RPS6KC1: variants seen among roughly 807,000 people sequenced by gnomAD.
The protein encoded by RPS6KC1 is inactive ribosomal protein S6 kinase delta-1.
In RPS6KC1, 54 loss-of-function variants were observed where a neutral mutation model predicts 103.8. That is an observed-to-expected ratio of 0.52 (90% confidence interval 0.42 to 0.65). The LOEUF is 0.65. RPS6KC1 is among the 30% of genes least tolerant of loss of function. The pLI is 0.00. For synonymous variants in RPS6KC1, 439 were observed against 438.7 expected (o/e 1.00, Z -0.01); for missense variants, 1,151 against 1,253.8 (o/e 0.92, Z 1.24).
rs755598192 is a variant in RPS6KC1 at position 213,129,721 on chromosome 1, C to T, written c.667C>T (p.Arg223Cys). The change falls in exon 6 of 15, where the codon CGT becomes TGT. Residue 223 changes from arginine (R) to cysteine (C), a missense_variant. Arg to Cys is a radical substitution (Grantham distance 180). Coordinates refer to ENST00000366960, the MANE Select transcript of RPS6KC1 (RefSeq NM_012424.6). Reference sequence around the variant, plus strand: ...CAAAACAGAAGAAGAACGGGAAAGTCGTAGCCTCTTTCCTGGCAGTTTAAA... The same window carrying T: ...CAAAACAGAAGAAGAACGGGAAAGTTGTAGCCTCTTTCCTGGCAGTTTAAA... Reference protein sequence around the residue: ...QSKTEEERESRSLFPGSLKPK... With the variant: ...QSKTEEERESCSLFPGSLKPK... 1.2e-4 allele frequency: 198 copies of T among 1,613,924 alleles called. No individual in the cohort carries two copies. Among genetic ancestry groups the T allele is most frequent in the Non-Finnish European group, 1.6e-4 (193 of 1,179,980 alleles).
At chr1:213,515,169 T>C in the RPS6KC1 span, among the ~76,000 whole-genome samples, 1 of 150,706 alleles carries the variant, frequency 6.6e-6, no homozygotes, top group Non-Finnish European at 1.5e-5. Flanking sequence ...TTTTCTCCCA[T>C]TCTGTAGGTT....
At chr1:213,732,360 CGT>C in the RPS6KC1 span, among the ~76,000 whole-genome samples, 492 of 150,864 alleles carry the variant, frequency 3.3e-3, 3 homozygotes, top group African/African-American at 0.011. Flanking sequence ...TGTGCGTGTG[CGT>C]GTGTGTGTGT....
intron 8 of RPS6KC1, among the ~76,000 whole-genome samples, chr1:213,209,816 A>G (rs1267493969): frequency 6.6e-6 from 1 of 152,100 alleles, no homozygotes; most frequent in East Asian, 1.9e-4. Flanking sequence ...GAAACTGAAC[A>G]AGGGGTAGGC....
chr1:213,654,263 A>G, the RPS6KC1 span, among the ~76,000 whole-genome samples: 2 of 152,330 alleles, frequency 1.3e-5, no homozygotes, highest in Admixed American at 1.3e-4. Flanking sequence ...TTTGATCATT[A>G]TGTGAAAATC....
At chr1:213,237,626 C>T (rs796921708) in intron 10 of RPS6KC1, among the ~76,000 whole-genome samples, 8 of 151,378 alleles carry the variant, frequency 5.3e-5, no homozygotes, top group African/African-American at 1.2e-4. Flanking sequence ...AGTGTTTTAT[C>T]GTACATATGA....
chr1:213,703,628 A>C, the RPS6KC1 span, among the ~76,000 whole-genome samples: 1 of 151,954 alleles, frequency 6.6e-6, no homozygotes, highest in Non-Finnish European at 1.5e-5. Context: ...CTAGGGTAAA[A>C]GTTTTTTCCT....
At chr1:213,444,627 T>C in the RPS6KC1 span, among the ~76,000 whole-genome samples, 1 of 151,096 alleles carries the variant, frequency 6.6e-6, no homozygotes, top group Non-Finnish European at 1.5e-5. Context: ...CGTGGTGGTG[T>C]GCACCTGTAA....
At chr1:213,543,952 T>C in the RPS6KC1 span, among the ~76,000 whole-genome samples, 1 of 152,152 alleles carries the variant, frequency 6.6e-6, no homozygotes, top group Admixed American at 6.6e-5. Context: ...AAGGGCTAAG[T>C]AACCCATTTC....
the RPS6KC1 span, among the ~76,000 whole-genome samples, chr1:213,682,163 G>A: frequency 6.6e-6 from 1 of 152,216 alleles, no homozygotes; most frequent in Non-Finnish European, 1.5e-5. Context: ...AGCTCTCCAG[G>A]TCAGTTGGTC....
the RPS6KC1 span, among the ~76,000 whole-genome samples, chr1:213,447,931 T>C: frequency 6.6e-6 from 1 of 152,208 alleles, no homozygotes; most frequent in Non-Finnish European, 1.5e-5. Context: ...ATTTGTATTG[T>C]ATTTTTGAAA....
the RPS6KC1 span, among the ~76,000 whole-genome samples, chr1:213,634,276 ATTC>A: frequency 6.6e-6 from 1 of 152,214 alleles, no homozygotes; most frequent in Non-Finnish European, 1.5e-5. Flanking sequence ...CAGAACATAC[ATTC>A]TTCTCAGCAC....
At chr1:213,732,079 C>A in the RPS6KC1 span, among the ~76,000 whole-genome samples, 1 of 151,824 alleles carries the variant, frequency 6.6e-6, no homozygotes, top group Non-Finnish European at 1.5e-5. Context: ...CTTTATATAT[C>A]TTCCATTTTT....
chr1:213,239,079 T>C (rs543778800), intron 10 of RPS6KC1, among the ~76,000 whole-genome samples: 47 of 152,028 alleles, frequency 3.1e-4, no homozygotes, highest in Non-Finnish European at 5.6e-4. Flanking sequence ...AAACACTGAG[T>C]ATAAAGAGGA....
the RPS6KC1 span, among the ~76,000 whole-genome samples, chr1:213,495,542 G>A: frequency 2.0e-5 from 3 of 152,066 alleles, no homozygotes; most frequent in African/African-American, 4.8e-5. Flanking sequence ...GGCTGGTCTC[G>A]AACTCCTGAC....
At chr1:213,666,202 A>G in the RPS6KC1 span, among the ~76,000 whole-genome samples, 1 of 152,150 alleles carries the variant, frequency 6.6e-6, no homozygotes, top group Non-Finnish European at 1.5e-5. Context: ...TACTTACTGA[A>G]TGAAGCATTT....
chr1:213,471,411 T>G, the RPS6KC1 span, among the ~76,000 whole-genome samples: 2 of 152,222 alleles, frequency 1.3e-5, no homozygotes, highest in Non-Finnish European at 2.9e-5. Flanking sequence ...TGCTTATTTA[T>G]TAAAGGAATA....
chr1:213,448,581 G>A, the RPS6KC1 span, among the ~76,000 whole-genome samples: 1 of 152,036 alleles, frequency 6.6e-6, no homozygotes, highest in Admixed American at 6.6e-5. Context: ...TCCCAGCGCC[G>A]GTGGGGAGCC....
At chr1:213,796,633 C>T in the RPS6KC1 span, among the ~76,000 whole-genome samples, 2 of 152,096 alleles carry the variant, frequency 1.3e-5, no homozygotes, top group East Asian at 1.9e-4. Context: ...ATCTTGTGGA[C>T]GTGAACATTT....
chr1:213,082,979 C>T (rs2080043139), intron 3 of RPS6KC1, among the ~76,000 whole-genome samples: 1 of 152,142 alleles, frequency 6.6e-6, no homozygotes, highest in African/African-American at 2.4e-5. Flanking sequence ...TAAGCCTCTG[C>T]CAACTCAGCA....
Sources: allele counts gnomAD v4.1 joint callset (sites outside exome capture counted in the v4.1 genomes callset), GRCh38; gene constraint gnomAD v4.1.1; transcripts MANE v1.5; gene names NCBI Gene and HGNC (gene_info 2026-07-23, HGNC 2026-07-21).